The following DLG2 variants were observed in gnomAD, a reference collection of about 807,000 sequenced individuals.
DLG2 encodes disks large homolog 2.
Under a neutral mutation model 132.5 loss-of-function variants are expected in DLG2, and 45 were observed. That is an observed-to-expected ratio of 0.34 (90% CI 0.27 to 0.44). The LOEUF is 0.44. Among genes scored for constraint, DLG2 ranks in the 20% least tolerant of loss-of-function variants. The probability of loss-of-function intolerance (pLI) is 1.00; values close to 1 mark genes in which losing one functional copy is unlikely to be tolerated. For missense variants in DLG2, 1,045 were observed against 1,196.9 expected, an observed-to-expected ratio of 0.87 and a Z score of 1.87; for synonymous variants, 424 against 419.6, an observed-to-expected ratio of 1.01 and a Z score of -0.13.
At chr11:84,431,104 T>C (rs1356576431) in intron 7 of DLG2, among the ~76,000 whole-genome samples, 1 of 152,228 alleles carries the variant, frequency 6.6e-6, no homozygotes, top group Non-Finnish European at 1.5e-5. Flanking sequence ...ATTTTGCATT[T>C]AATTTTTAAA....
At chr11:84,708,037 A>G (rs1210329795) in intron 6 of DLG2, among the ~76,000 whole-genome samples, 1 of 151,808 alleles carries the variant, frequency 6.6e-6, no homozygotes, top group Non-Finnish European at 1.5e-5. Flanking sequence ...TGGGCAAGGT[A>G]TAGCCAAATT....
chr11:84,495,690 C>T (rs2099180780), intron 7 of DLG2, among the ~76,000 whole-genome samples: 1 of 152,148 alleles, frequency 6.6e-6, no homozygotes, highest in Non-Finnish European at 1.5e-5. Flanking sequence ...ATAACTTATG[C>T]TTATCCCTGC....
intron 3 of DLG2, among the ~76,000 whole-genome samples, chr11:85,291,498 T>A (rs1186839508): frequency 6.6e-6 from 1 of 152,062 alleles, no homozygotes; most frequent in Admixed American, 6.6e-5. Flanking sequence ...TTGATTCATT[T>A]GGTTTTTGGT....
chr11:83,566,554 C>T (rs2143014417), intron 19 of DLG2, among the ~76,000 whole-genome samples: 1 of 152,034 alleles, frequency 6.6e-6, no homozygotes, highest in South Asian at 2.1e-4. Flanking sequence ...CATAGAGTTC[C>T]TGTAAAGATT....
chr11:83,561,005 T>TC (rs1555193281), intron 19 of DLG2, among the ~76,000 whole-genome samples: 1 of 151,890 alleles, frequency 6.6e-6, no homozygotes, highest in Non-Finnish European at 1.5e-5. Flanking sequence ...TCAGGAAACT[T>TC]ACAACCATGG....
At chr11:84,342,453 T>A (rs1367795658) in intron 7 of DLG2, among the ~76,000 whole-genome samples, 2 of 152,236 alleles carry the variant, frequency 1.3e-5, no homozygotes, top group Non-Finnish European at 2.9e-5. Context: ...ATATTTTTAA[T>A]AATTTGTGAA....
intron 7 of DLG2, among the ~76,000 whole-genome samples, chr11:84,395,146 ATTTG>A (rs2098806923): frequency 6.6e-6 from 1 of 151,306 alleles, no homozygotes; most frequent in African/African-American, 2.4e-5. Context: ...TTTAATTTCA[ATTTG>A]TTTATTTTAT....
At chr11:85,493,718 G>C (rs2093612254) in intron 3 of DLG2, among the ~76,000 whole-genome samples, 1 of 147,554 alleles carries the variant, frequency 6.8e-6, no homozygotes, top group South Asian at 2.2e-4. Context: ...AAGGAGGGGA[G>C]GGTAGGAGAG....
At position 85,072,724 on chromosome 11, in the gene DLG2, C is replaced by T. The variant is rs1006940175; in HGVS notation, c.357+38937G>A. Among the ~76,000 whole-genome samples the T allele has an allele frequency of 8.6e-5, 13 of 151,904 alleles. No homozygotes were observed. In the South Asian group the frequency reaches 2.7e-3, roughly 32 times the overall value. ...AATACAAACCCAAGTCTATGGGATT[C>T]CAAAGCCCATAATAAATACACTTGG... On this transcript the variant is annotated intron_variant, in intron 6 of 27. Coordinates refer to ENST00000376104, the MANE Select transcript of DLG2 (RefSeq NM_001142699.3).
rs188427670 is a variant in DLG2 at position 84,331,793 on chromosome 11, G to C, written c.520-80502C>G. ...TACACTCAAGTGCCAAAGTGCCTTC[G>C]TGAGACCTTTCAAAGAAATCTTCTT... On this transcript the variant is annotated intron_variant, in intron 7 of 27. Coordinates refer to ENST00000376104, the MANE Select transcript of DLG2 (RefSeq NM_001142699.3). 4.5e-4 allele frequency among the ~76,000 whole-genome samples: 68 copies of C among 152,176 alleles called. 1 individual carries two copies. Among genetic ancestry groups the C allele is most frequent in the Admixed American group, 3.3e-3 (51 of 15,288 alleles).
chr11:84,008,935 TG>T (rs373189455), intron 11 of DLG2, among the ~76,000 whole-genome samples: 69 of 134,330 alleles, frequency 5.1e-4, no homozygotes, highest in African/African-American at 1.9e-3. Flanking sequence ...TTTTTTTTTT[TG>T]TTGTTGTTGT....
At chr11:83,802,489 G>A (rs1235370074) in intron 17 of DLG2, among the ~76,000 whole-genome samples, 4 of 152,078 alleles carry the variant, frequency 2.6e-5, no homozygotes, top group Admixed American at 6.5e-5. Context: ...TGCTCAACAT[G>A]TTCTCCCTTT....
At chr11:85,345,022 C>T (rs1437437311) in intron 3 of DLG2, among the ~76,000 whole-genome samples, 3 of 151,202 alleles carry the variant, frequency 2.0e-5, no homozygotes, top group African/African-American at 7.3e-5. Context: ...TAACTCAATA[C>T]GGTTGGTTTC....
chr11:85,579,442 T>C (rs1242439100), intron 3 of DLG2, among the ~76,000 whole-genome samples: 1 of 152,124 alleles, frequency 6.6e-6, no homozygotes, highest in African/African-American at 2.4e-5. Context: ...AAGGTGCTTC[T>C]ACATTTAGGT....
At chr11:84,061,498 C>A (rs1292041057) in intron 10 of DLG2, among the ~76,000 whole-genome samples, 1 of 152,154 alleles carries the variant, frequency 6.6e-6, no homozygotes, top group African/African-American at 2.4e-5. Flanking sequence ...GCAATTTGAG[C>A]AGAGATTGGA....
Position 85,004,553 on chromosome 11 carries a change from G to A in DLG2, c.357+107108C>T, listed in dbSNP as rs547891950. On this transcript the variant is annotated intron_variant, in intron 6 of 27. Transcript: ENST00000376104. Reference sequence around the variant, plus strand: ...GTGTCTGTTCATGTCCTTTGCCTACGTTTTGATGCGGTTGATTTTTTCTTG... The same window carrying A: ...GTGTCTGTTCATGTCCTTTGCCTACATTTTGATGCGGTTGATTTTTTCTTG... Among the ~76,000 whole-genome samples the A allele has an allele frequency of 4.6e-5, 7 of 152,090 alleles. No homozygotes were observed. The East Asian group carries it at 7.7e-4, about 17-fold the overall frequency.
chr11:84,502,104 CTCTCTCTGTCTT>C (rs1245491160), intron 7 of DLG2, among the ~76,000 whole-genome samples: 2 of 137,508 alleles, frequency 1.5e-5, no homozygotes, highest in African/African-American at 2.8e-5. Flanking sequence ...TTCTTTCTCA[CTCTCTCTGTCTT>C]TCTCTCTTTC....
intron 6 of DLG2, among the ~76,000 whole-genome samples, chr11:84,703,854 GAAGATATATATATATATATA>G (rs1565709564): frequency 2.5e-5 from 2 of 80,240 alleles, no homozygotes; most frequent in African/African-American, 2.2e-4. Context: ...ACTATGTAGT[GAAGATATATATATATATATA>G]TATATATATA....
chr11:85,477,687 T>C (rs2093182740), intron 3 of DLG2, among the ~76,000 whole-genome samples: 1 of 152,180 alleles, frequency 6.6e-6, no homozygotes, highest in African/African-American at 2.4e-5. Flanking sequence ...CTCTATGCTA[T>C]GAGAAAAGCT....
Sources: gnomAD v4.1 joint callset for allele counts (sites outside exome capture counted in the v4.1 genomes callset) on GRCh38, gnomAD v4.1.1 for gene constraint, MANE v1.5 for transcripts, NCBI Gene and HGNC (gene_info 2026-07-23, HGNC 2026-07-21) for gene names.